The following SDK1 variants were observed in gnomAD, a reference collection of about 807,000 sequenced individuals.
SDK1 encodes the protein protein sidekick-1.
SDK1 carries 157 observed loss-of-function variants against 245.5 expected under a neutral mutation model. The observed-to-expected ratio is 0.64, with a 90% CI of 0.56 to 0.73. The LOEUF is 0.73. SDK1 is among the 30% of genes least tolerant of loss of function. The pLI, the probability that SDK1 is intolerant of heterozygous loss-of-function variation, is 0.00. For missense variants in SDK1, 3,583 were observed against 3,002.3 expected (o/e 1.19, Z -4.52); for synonymous variants, 1,647 against 1,278.5 (o/e 1.29, Z -6.15).
intron 1 of SDK1, among the ~76,000 whole-genome samples, chr7:3,535,255 A>G (rs969163673): frequency 3.9e-5 from 6 of 152,292 alleles, no homozygotes; most frequent in Admixed American, 6.5e-5. Flanking sequence ...CAAGAGTGAG[A>G]CTTTGTCTCC....
chr7:3,393,358 C>T (rs527899069), intron 1 of SDK1, among the ~76,000 whole-genome samples: 58 of 152,072 alleles, frequency 3.8e-4, no homozygotes, highest in African/African-American at 1.1e-3. Context: ...TGAGGAAATG[C>T]CAAAATGTTT....
At chr7:3,622,139 A>G (rs1781961355) in intron 2 of SDK1, among the ~76,000 whole-genome samples, 1 of 152,116 alleles carries the variant, frequency 6.6e-6, no homozygotes, top group Non-Finnish European at 1.5e-5. Context: ...CGCTAAGTTT[A>G]TTGGGACATA....
chr7:3,900,591 T>A (rs897386113), intron 5 of SDK1, among the ~76,000 whole-genome samples: 2 of 152,144 alleles, frequency 1.3e-5, no homozygotes, highest in Non-Finnish European at 2.9e-5. Flanking sequence ...TTATTTACCC[T>A]CCCTCTCTTT....
intron 22 of SDK1, among the ~76,000 whole-genome samples, chr7:4,080,642 A>G (rs1047842366): frequency 6.6e-6 from 1 of 152,158 alleles, no homozygotes; most frequent in Non-Finnish European, 1.5e-5. Flanking sequence ...GGCTGGAACA[A>G]TTATTTACTT....
intron 5 of SDK1, among the ~76,000 whole-genome samples, chr7:3,851,583 C>T (rs1445351109): frequency 2.0e-5 from 3 of 152,078 alleles, no homozygotes; most frequent in Non-Finnish European, 4.4e-5. Context: ...AAAAAGCTTG[C>T]CAATCATGCC....
chr7:4,016,737 G>A (rs904248630), intron 16 of SDK1, among the ~76,000 whole-genome samples: 1 of 152,138 alleles, frequency 6.6e-6, no homozygotes, highest in African/African-American at 2.4e-5. Flanking sequence ...CCTAAATGGA[G>A]CTCTGTCCCT....
chr7:3,703,116 G>A (rs1015988770), intron 4 of SDK1, among the ~76,000 whole-genome samples: 4 of 149,988 alleles, frequency 2.7e-5, no homozygotes, highest in South Asian at 2.1e-4. Context: ...TCTCCTGAAC[G>A]TTTGTCCCAG....
rs200291743 is a variant in SDK1, at chr7:4,220,202, G to A, written c.5633G>A (p.Arg1878His). 47 of 1,614,026 alleles carry A rather than the reference G, an allele frequency of 2.9e-5. No homozygotes were observed. Among genetic ancestry groups the A allele is most frequent in the African/African-American group, 8.0e-5 (6 of 75,020 alleles). Residue 1878 changes from arginine to histidine, a missense_variant, in exon 39 of 45, where the codon CGT becomes CAT. Transcript: ENST00000404826. ...DLTKGVTYFF[R>H]VQARTITYGP... ...ACCAAGGGAGTGACCTATTTCTTCC[G>A]TGTCCAAGCGCGGACCATCACCTAC...
chr7:4,166,783 C>A (rs1781526452), intron 32 of SDK1, among the ~76,000 whole-genome samples: 1 of 152,210 alleles, frequency 6.6e-6, no homozygotes, highest in Admixed American at 6.5e-5. Flanking sequence ...CGTGGTTGAG[C>A]CTCCCTCAGC....
At chr7:3,706,908 C>T (rs1268079338) in intron 4 of SDK1, among the ~76,000 whole-genome samples, 2 of 152,126 alleles carry the variant, frequency 1.3e-5, no homozygotes, top group South Asian at 4.1e-4. Flanking sequence ...GTTGTAATGT[C>T]TCTAGTTTTA....
At chr7:3,769,172 T>G (rs1780337328) in intron 4 of SDK1, among the ~76,000 whole-genome samples, 2 of 152,208 alleles carry the variant, frequency 1.3e-5, no homozygotes, top group South Asian at 2.1e-4. Flanking sequence ...TTTCCCACAA[T>G]GGTGATTGTC....
chr7:3,636,213 T>C (rs547897551), intron 2 of SDK1, among the ~76,000 whole-genome samples: 22 of 152,330 alleles, frequency 1.4e-4, no homozygotes, highest in Admixed American at 3.3e-4. Context: ...ATTATTATTT[T>C]TGTGTGATAA....
At chr7:3,584,466 C>A (rs779031926) in intron 1 of SDK1, among the ~76,000 whole-genome samples, 5 of 152,140 alleles carry the variant, frequency 3.3e-5, no homozygotes, top group African/African-American at 1.2e-4. Context: ...GGTTGCTAAG[C>A]GGCCACCAAG....
At chr7:4,022,215 G>C (rs1387943559) in intron 17 of SDK1, among the ~76,000 whole-genome samples, 1 of 152,208 alleles carries the variant, frequency 6.6e-6, no homozygotes, top group Non-Finnish European at 1.5e-5. Context: ...TTATTGGAAT[G>C]TCTACAAAGA....
intron 40 of SDK1, among the ~76,000 whole-genome samples, chr7:4,222,718 G>A (rs1346467167): frequency 6.6e-6 from 1 of 152,228 alleles, no homozygotes; most frequent in African/African-American, 2.4e-5. Flanking sequence ...GACCCTGAGA[G>A]TATCTTTTGA....
intron 29 of SDK1, among the ~76,000 whole-genome samples, chr7:4,147,843 G>T (rs755310073): frequency 4.6e-5 from 7 of 152,126 alleles, no homozygotes; most frequent in Admixed American, 6.5e-5. Flanking sequence ...TATTTGTGTG[G>T]TTTTATGGTT....
intron 1 of SDK1, among the ~76,000 whole-genome samples, chr7:3,332,122 A>G (rs925882376): frequency 1.3e-5 from 2 of 152,214 alleles, no homozygotes; most frequent in African/African-American, 2.4e-5. Flanking sequence ...TAATATGTCT[A>G]AAGTTTTTGA....
intron 35 of SDK1, among the ~76,000 whole-genome samples, chr7:4,197,136 C>G (rs1243991284): frequency 1.3e-5 from 2 of 152,164 alleles, no homozygotes; most frequent in Non-Finnish European, 2.9e-5. Flanking sequence ...CCCAGGCTGG[C>G]CAGGACAGAG....
chr7:3,735,184 A>G (rs1779285179), intron 4 of SDK1, among the ~76,000 whole-genome samples: 1 of 152,220 alleles, frequency 6.6e-6, no homozygotes, highest in Non-Finnish European at 1.5e-5. Context: ...GAATGTTCAT[A>G]ACATAAAATT....
Sources: allele counts gnomAD v4.1 joint callset (sites outside exome capture counted in the v4.1 genomes callset), GRCh38; gene constraint gnomAD v4.1.1; transcripts MANE v1.5; gene names NCBI Gene and HGNC (gene_info 2026-07-23, HGNC 2026-07-21).